CNNM2: variants seen among roughly 807,000 people sequenced by gnomAD.
The protein encoded by CNNM2 is cyclin and CBS domain divalent metal cation transport mediator 2.
Under a neutral mutation model 66.9 loss-of-function variants are expected in CNNM2, and 12 were observed. The ratio of observed to expected loss-of-function variants is 0.18; its 90% CI spans 0.11 to 0.29. The LOEUF (loss-of-function observed/expected upper bound fraction) is 0.29. Among genes scored for constraint, CNNM2 ranks in the 10% least tolerant of loss-of-function variants. The probability of loss-of-function intolerance (pLI) is 1.00; values close to 1 mark genes in which losing one functional copy is unlikely to be tolerated. For missense variants in CNNM2, 705 were observed against 1,167.7 expected, an observed-to-expected ratio of 0.60 and a Z score of 5.77; for synonymous variants, 557 against 501.8, an observed-to-expected ratio of 1.11 and a Z score of -1.47.
intron 1 of CNNM2, among the ~76,000 whole-genome samples, chr10:102,975,422 AT>A (rs1398381470): frequency 7.2e-6 from 1 of 139,186 alleles, no homozygotes; most frequent in African/African-American, 2.7e-5. Flanking sequence ...TGGATGGTGA[AT>A]TTGCTCTAGC....
chr10:102,924,661 G>A (rs949931426), intron 1 of CNNM2, among the ~76,000 whole-genome samples: 1 of 151,250 alleles, frequency 6.6e-6, no homozygotes, highest in Non-Finnish European at 1.5e-5. Flanking sequence ...ATTTGTTAGG[G>A]TCTTGCTATG....
intron 1 of CNNM2, among the ~76,000 whole-genome samples, chr10:102,990,124 TTTTG>T (rs900028246): frequency 1.4e-4 from 21 of 152,012 alleles, no homozygotes; most frequent in Non-Finnish European, 2.8e-4. Flanking sequence ...CTTTGTTGTT[TTTTG>T]TTTGTTTGTT....
chr10:103,073,025 A>G (rs2065618929), intron 6 of CNNM2, among the ~76,000 whole-genome samples: 1 of 152,202 alleles, frequency 6.6e-6, no homozygotes, highest in African/African-American at 2.4e-5. Context: ...TTAATATTTT[A>G]AGTAAGATGG....
At chr10:102,971,074 C>T (rs528162232) in intron 1 of CNNM2, among the ~76,000 whole-genome samples, 13 of 151,754 alleles carry the variant, frequency 8.6e-5, no homozygotes, top group Admixed American at 6.6e-4. Context: ...TGGCACTTGC[C>T]TCTAGTCCTG....
chr10:103,020,945 A>T (rs2064563867), intron 1 of CNNM2, among the ~76,000 whole-genome samples: 1 of 152,194 alleles, frequency 6.6e-6, no homozygotes, highest in African/African-American at 2.4e-5. Context: ...ATTGTGAATG[A>T]CAAGGTCAAT....
chr10:103,051,967 C>G (rs1014217223), intron 2 of CNNM2, among the ~76,000 whole-genome samples: 4 of 151,924 alleles, frequency 2.6e-5, no homozygotes, highest in Non-Finnish European at 5.9e-5. Flanking sequence ...CATCCTTCCT[C>G]ACAAATGACT....
intron 1 of CNNM2, among the ~76,000 whole-genome samples, chr10:103,040,478 T>C (rs1375790912): frequency 6.6e-6 from 1 of 152,004 alleles, no homozygotes; most frequent in Non-Finnish European, 1.5e-5. Flanking sequence ...CTTAATTCAG[T>C]AGCTGGTGGG....
At chr10:102,970,905 C>G (rs756360792) in intron 1 of CNNM2, among the ~76,000 whole-genome samples, 1 of 151,864 alleles carries the variant, frequency 6.6e-6, no homozygotes, top group Non-Finnish European at 1.5e-5. Context: ...AAGTTAGTCT[C>G]TGGGGCTTGG....
At chr10:103,047,273 T>C (rs958396476) in intron 1 of CNNM2, among the ~76,000 whole-genome samples, 5 of 152,272 alleles carry the variant, frequency 3.3e-5, no homozygotes, top group African/African-American at 1.2e-4. Context: ...AGTATACTCA[T>C]GGGTGAAACA....
intron 1 of CNNM2, among the ~76,000 whole-genome samples, chr10:102,971,657 C>A (rs2063548822): frequency 6.6e-6 from 1 of 151,972 alleles, no homozygotes; most frequent in South Asian, 2.1e-4. Context: ...GCTGTGCATA[C>A]CTGTAGATTT....
chr10:103,062,812 G>A (rs2065411084), intron 4 of CNNM2, among the ~76,000 whole-genome samples: 1 of 152,222 alleles, frequency 6.6e-6, no homozygotes, highest in Admixed American at 6.5e-5. Context: ...CACTGGGTGT[G>A]ACTGAATTAC....
chr10:102,936,397 A>G (rs1277799917), intron 1 of CNNM2, among the ~76,000 whole-genome samples: 1 of 152,126 alleles, frequency 6.6e-6, no homozygotes, highest in Non-Finnish European at 1.5e-5. Flanking sequence ...TGTAGAGTTG[A>G]TAACTAAGCA....
At chr10:102,929,161 G>A (rs1485652803) in intron 1 of CNNM2, among the ~76,000 whole-genome samples, 1 of 152,192 alleles carries the variant, frequency 6.6e-6, no homozygotes, top group African/African-American at 2.4e-5. Flanking sequence ...TTAGGAGGCT[G>A]AGGTGGGAGA....
At chr10:103,070,078 T>C (rs1166126451) in intron 5 of CNNM2, among the ~76,000 whole-genome samples, 4 of 152,176 alleles carry the variant, frequency 2.6e-5, no homozygotes, top group Non-Finnish European at 5.9e-5. Flanking sequence ...CTTCTCACTA[T>C]CCTTGTGCAG....
chr10:103,089,644 T>C lies in CNNM2; in HGVS notation c.*12464T>C, dbSNP rs1298082782. The stretch of plus-strand genomic sequence containing the variant: ...GTGAGTCCTGCCAGGACTTGTTTAA[T>C]GGGTGCTTGGGGTTTTGGTTTTCCT... On this transcript the variant is annotated 3_prime_UTR_variant, in exon 8 of 8. Coordinates refer to ENST00000369878, the MANE Select transcript of CNNM2 (RefSeq NM_017649.5). The C allele has an allele frequency of 6.4e-7, 1 of 1,554,958 alleles. No individual in the cohort carries two copies. Among genetic ancestry groups the C allele is most frequent in the East Asian group, 2.3e-5 (1 of 44,262 alleles).
chr10:103,069,773 C>T (rs1203302074), intron 5 of CNNM2, among the ~76,000 whole-genome samples: 1 of 152,216 alleles, frequency 6.6e-6, no homozygotes, highest in Non-Finnish European at 1.5e-5. Context: ...ACAGGTCGGG[C>T]AGGTCGACAG....
chr10:102,989,948 CT>C (rs35468777), intron 1 of CNNM2, among the ~76,000 whole-genome samples: 234 of 142,780 alleles, frequency 1.6e-3, no homozygotes, highest in East Asian at 9.2e-3. Flanking sequence ...ATCCATTAAA[CT>C]TTTTTTTTTT....
At chr10:102,927,383 AAAG>A in intron 1 of CNNM2, 1 of 1,613,920 alleles carries the variant, frequency 6.2e-7, no homozygotes. Flanking sequence ...CCAACACTGA[AAAG>A]AAGAGACAAT....
chr10:103,084,659 C>T lies in CNNM2; in HGVS notation c.*7479C>T, dbSNP rs140117986. ...AGATGAGATTTGCCTAAAACTCCCC[C>T]CTGCATCCTCAGAGTGCGCACACAT... On this transcript the variant is annotated 3_prime_UTR_variant, in exon 8 of 8. Coordinates refer to ENST00000369878, the MANE Select transcript of CNNM2 (RefSeq NM_017649.5). 1 of 152,182 alleles carries T rather than the reference C, an allele frequency of 6.6e-6. No individual in the cohort carries two copies. Among genetic ancestry groups the T allele is most frequent in the South Asian group, 2.1e-4 (1 of 4,832 alleles). 9.4% of individuals were successfully genotyped at this position (152,182 alleles called of 1,614,324 possible).
Sources: allele counts gnomAD v4.1 joint callset (sites outside exome capture counted in the v4.1 genomes callset), GRCh38; gene constraint gnomAD v4.1.1; transcripts MANE v1.5; gene names NCBI Gene and HGNC (gene_info 2026-07-23, HGNC 2026-07-21).